The following MBOAT2 variants were observed in gnomAD, a reference collection of about 807,000 sequenced individuals.
MBOAT2 encodes the protein membrane bound glycerophospholipid O-acyltransferase 2.
A neutral mutation model predicts 63.4 loss-of-function variants in MBOAT2; 28 were observed. The observed-to-expected ratio is 0.44, with a 90% CI of 0.33 to 0.61. The LOEUF is 0.61. Among genes scored for constraint, MBOAT2 ranks in the 20% least tolerant of loss-of-function variants. The probability of loss-of-function intolerance (pLI) is 0.03; values close to 1 mark genes in which losing one functional copy is unlikely to be tolerated. For synonymous variants in MBOAT2, 211 were observed against 215.6 expected (o/e 0.98, Z 0.19); for missense variants, 470 against 605.8 (o/e 0.78, Z 2.35).
intron 9 of MBOAT2, among the ~76,000 whole-genome samples, chr2:8,865,040 C>T (rs571015695): frequency 1.5e-4 from 23 of 152,156 alleles, no homozygotes; most frequent in East Asian, 9.6e-4. Flanking sequence ...AACATTTGTG[C>T]GCTGAGTGCA....
chr2:8,934,218 A>G lies in MBOAT2; in HGVS notation c.299+8969T>C, dbSNP rs111806415. Among the ~76,000 whole-genome samples, 757 of 152,360 alleles carry G rather than the reference A, an allele frequency of 5.0e-3. 9 individuals carry two copies. Among genetic ancestry groups the G allele is most frequent in the South Asian group, 0.02 (97 of 4,832 alleles). ...CATTCTTTTGGATAGAGATATATGC[A>G]TATTTGCTCTGATGAACAATCACCA... is the stretch of plus-strand genomic sequence containing the variant. On this transcript the variant is annotated intron_variant, in intron 3 of 12. Transcript: ENST00000305997.
intron 1 of MBOAT2, among the ~76,000 whole-genome samples, chr2:8,969,905 A>C (rs1018459932): frequency 2.8e-4 from 43 of 152,272 alleles, no homozygotes; most frequent in Admixed American, 5.2e-4. Context: ...ACTTAGACTC[A>C]CACACAATAA....
chr2:8,874,754 C>T (rs1484639299), intron 7 of MBOAT2, among the ~76,000 whole-genome samples: 1 of 152,178 alleles, frequency 6.6e-6, no homozygotes, highest in African/African-American at 2.4e-5. Flanking sequence ...ACAGAGACTG[C>T]CAAGTGTTTC....
intron 6 of MBOAT2, among the ~76,000 whole-genome samples, chr2:8,877,655 TA>T (rs1662793257): frequency 6.6e-6 from 1 of 152,264 alleles, no homozygotes; most frequent in Admixed American, 6.5e-5. Context: ...ATAAAATTTA[TA>T]AAACATATTT....
At chr2:8,968,919 T>A (rs1320518498) in intron 1 of MBOAT2, among the ~76,000 whole-genome samples, 1 of 152,090 alleles carries the variant, frequency 6.6e-6, no homozygotes, top group Non-Finnish European at 1.5e-5. Flanking sequence ...TACCTAAAAG[T>A]GACGGGGAGA....
chr2:8,999,197 T>C (rs1672519364), intron 1 of MBOAT2, among the ~76,000 whole-genome samples: 1 of 152,238 alleles, frequency 6.6e-6, no homozygotes. Context: ...CCCCTGTCCC[T>C]AAACATGGCT....
chr2:8,923,469 T>G (rs1558619235), intron 3 of MBOAT2, among the ~76,000 whole-genome samples: 1 of 152,186 alleles, frequency 6.6e-6, no homozygotes, highest in Non-Finnish European at 1.5e-5. Context: ...CAGTCAATCA[T>G]TACAGTTCTC....
chr2:8,910,753 C>T (rs1402360383), intron 3 of MBOAT2, among the ~76,000 whole-genome samples: 2 of 152,106 alleles, frequency 1.3e-5, no homozygotes, highest in African/African-American at 4.8e-5. Flanking sequence ...TAGAGGATTA[C>T]AATTAGATAC....
chr2:8,862,593 T>G lies in MBOAT2; in HGVS notation c.1182A>C (p.Arg394Ser). 1 of 1,606,944 alleles carries G rather than the reference T, an allele frequency of 6.2e-7. No homozygotes were observed. Among genetic ancestry groups the G allele is most frequent in the South Asian group, 1.1e-5 (1 of 89,350 alleles). ...AAATAAAATTCTTGATACTTACAGCTCTTGCTGCTAATGTCATTAACACCC... is the reference window on the plus strand; with the variant it reads ...AAATAAAATTCTTGATACTTACAGCGCTTGCTGCTAATGTCATTAACACCC... ...LTGVLMTLAARAMRNNFRHYF... is the reference protein window; with the variant it reads ...LTGVLMTLAASAMRNNFRHYF... Residue 394 changes from arginine (R) to serine (S), a missense_variant, in exon 11 of 13, where the codon AGA (arginine) becomes AGC (serine). Coordinates refer to ENST00000305997, the MANE Select transcript of MBOAT2 (RefSeq NM_138799.4). The surrounding 1 kb of genome is among the most constrained non-coding windows in gnomAD (Gnocchi z 4.3).
At chr2:8,897,251 CTCTT>C (rs1355090779) in intron 4 of MBOAT2, among the ~76,000 whole-genome samples, 2 of 152,180 alleles carry the variant, frequency 1.3e-5, no homozygotes, top group East Asian at 3.9e-4. Flanking sequence ...TTCATCCTCT[CTCTT>C]TCTCTGACTT....
chr2:8,862,467 G>T lies in MBOAT2; in HGVS notation c.1185+123C>A. 1.5e-6 allele frequency: 2 copies of T among 1,370,948 alleles called. No homozygotes were observed. The highest frequency in any genetic ancestry group is 2.0e-6 in the Non-Finnish European group (2 of 1,001,858). 84.9% of individuals were successfully genotyped at this position (1,370,948 alleles called of 1,614,324 possible). The stretch of plus-strand genomic sequence containing the variant: ...GCACGCAGTACACACCTCGCTTCTA[G>T]TGGAAAGGACAATACTGACCACGAC... On this transcript the variant is annotated intron_variant, in intron 11 of 12. Coordinates refer to ENST00000305997, the MANE Select transcript of MBOAT2 (RefSeq NM_138799.4). This position sits in a 1 kb window ranked among gnomAD's most constrained non-coding sequence, Gnocchi z 4.3.
At chr2:8,999,137 C>T (rs1015556332) in intron 1 of MBOAT2, among the ~76,000 whole-genome samples, 23 of 152,208 alleles carry the variant, frequency 1.5e-4, no homozygotes, top group African/African-American at 5.6e-4. Flanking sequence ...CTCCATCTTG[C>T]CCCTTTCCCT....
At chr2:8,894,998 G>A (rs756776887) in intron 4 of MBOAT2, among the ~76,000 whole-genome samples, 2 of 152,212 alleles carry the variant, frequency 1.3e-5, no homozygotes, top group African/African-American at 2.4e-5. Context: ...CAGTGGGTTC[G>A]TGGTCTTGCT....
intron 6 of MBOAT2, among the ~76,000 whole-genome samples, chr2:8,881,249 T>C (rs1663111425): frequency 6.6e-6 from 1 of 152,156 alleles, no homozygotes; most frequent in Admixed American, 6.5e-5. Flanking sequence ...ATTTGGTGGT[T>C]GCAGAATCAA....
At chr2:8,894,966 G>A (rs927034291) in intron 4 of MBOAT2, among the ~76,000 whole-genome samples, 1 of 151,832 alleles carries the variant, frequency 6.6e-6, no homozygotes, top group Non-Finnish European at 1.5e-5. Flanking sequence ...AAGGCGGCAC[G>A]TCCGGAGTTG....
At chr2:8,996,901 C>A (rs532388409) in intron 1 of MBOAT2, among the ~76,000 whole-genome samples, 1 of 152,310 alleles carries the variant, frequency 6.6e-6, no homozygotes, top group Non-Finnish European at 1.5e-5. Context: ...AAAATACTCT[C>A]GTGGCTCAAA....
chr2:8,967,667 G>A (rs1445606911), intron 1 of MBOAT2, among the ~76,000 whole-genome samples: 2 of 152,106 alleles, frequency 1.3e-5, no homozygotes, highest in African/African-American at 4.8e-5. Context: ...ACATTTTTTA[G>A]AACCTAGAAT....
chr2:8,997,737 T>C (rs566027694), intron 1 of MBOAT2, among the ~76,000 whole-genome samples: 37 of 152,340 alleles, frequency 2.4e-4, no homozygotes, highest in Non-Finnish European at 4.4e-4. Context: ...ATCCTTATTT[T>C]ACAGATAAGG....
At chr2:8,887,299 C>G (rs1265982156) in intron 5 of MBOAT2, among the ~76,000 whole-genome samples, 1 of 152,082 alleles carries the variant, frequency 6.6e-6, no homozygotes, top group African/African-American at 2.4e-5. Context: ...GTTAATTTTG[C>G]TTGTTAGTAG....
Sources: allele counts gnomAD v4.1 joint callset (sites outside exome capture counted in the v4.1 genomes callset), GRCh38; gene constraint gnomAD v4.1.1; non-coding constraint Gnocchi (gnomAD v3.1); transcripts MANE v1.5; gene names NCBI Gene and HGNC (gene_info 2026-07-23, HGNC 2026-07-21).